JPH3: variants seen among roughly 807,000 people sequenced by gnomAD.
JPH3 encodes the protein junctophilin 3.
JPH3 carries 11 observed loss-of-function variants against 59.6 expected under a neutral mutation model. The observed-to-expected ratio is 0.18, with a 90% CI of 0.12 to 0.31. The LOEUF (loss-of-function observed/expected upper bound fraction) is 0.31, where lower values mean the gene tolerates loss of function less well. Among genes scored for constraint, JPH3 ranks in the 10% least tolerant of loss-of-function variants. The probability of loss-of-function intolerance (pLI) is 1.00; values close to 1 mark genes in which losing one functional copy is unlikely to be tolerated. For synonymous variants in JPH3, 673 were observed against 483.6 expected, an observed-to-expected ratio of 1.39 and a Z score of -5.14; for missense variants, 1,202 against 1,105.7, an observed-to-expected ratio of 1.09 and a Z score of -1.24.
intron 1 of JPH3, among the ~76,000 whole-genome samples, chr16:87,620,618 G>C (rs1272722632): frequency 6.6e-6 from 1 of 152,150 alleles, no homozygotes; most frequent in Non-Finnish European, 1.5e-5. Context: ...CTCCCTTCCA[G>C]GTTTTGATGG....
intron 1 of JPH3, among the ~76,000 whole-genome samples, chr16:87,634,505 G>A (rs2031669562): frequency 6.6e-6 from 1 of 152,222 alleles, no homozygotes; most frequent in Non-Finnish European, 1.5e-5. Context: ...TTCTCTGCGG[G>A]TTGGCTTCTC....
Position 87,677,456 on chromosome 16 carries a change from A to G in JPH3, c.1161-6686A>G, listed in dbSNP as rs115122869. Among the ~76,000 whole-genome samples the G allele has an allele frequency of 5.0e-3, 761 of 152,332 alleles. 7 individuals are homozygous for G. The highest frequency in any genetic ancestry group is 0.017 in the African/African-American group (710 of 41,576). On this transcript the variant is annotated intron_variant, in intron 2 of 4. Transcript: ENST00000284262. ...CTCGCCCACCAGGTACCCATCAGGT[A>G]TCTTATCCAGCATAAGAACAGCTGG... is the stretch of plus-strand genomic sequence containing the variant.
chr16:87,628,213 G>C (rs567812966), intron 1 of JPH3, among the ~76,000 whole-genome samples: 1 of 152,398 alleles, frequency 6.6e-6, no homozygotes, highest in Admixed American at 6.5e-5. Flanking sequence ...CTGTGCGTCT[G>C]ATCTGCTCAC....
At chr16:87,681,735 T>A (rs2033301192) in intron 2 of JPH3, among the ~76,000 whole-genome samples, 1 of 152,208 alleles carries the variant, frequency 6.6e-6, no homozygotes, top group African/African-American at 2.4e-5. Context: ...GTGGTCATAG[T>A]TCCAGAAGGT....
chr16:87,695,585 G>C (rs549506975), intron 4 of JPH3: 11 of 455,798 alleles, frequency 2.4e-5, no homozygotes, highest in Non-Finnish European at 4.4e-5. Flanking sequence ...CTGTGGGCAA[G>C]ACTGGAGTGG....
chr16:87,629,800 C>T (rs892456597), intron 1 of JPH3, among the ~76,000 whole-genome samples: 30 of 152,162 alleles, frequency 2.0e-4, no homozygotes, highest in Admixed American at 1.0e-3. Flanking sequence ...CCATGGAAGG[C>T]GTGGACCCTG....
intron 4 of JPH3, among the ~76,000 whole-genome samples, chr16:87,691,500 G>A (rs1056900806): frequency 2.0e-5 from 3 of 152,252 alleles, no homozygotes; most frequent in East Asian, 1.9e-4. Context: ...CGTGTGGGCC[G>A]GGCAGGGGGG....
rs555975778 is a variant in JPH3 at position 87,689,842 on chromosome 16, C to G, written c.1482C>G (p.Ala494=). The G allele has an allele frequency of 2.7e-5, 41 of 1,537,352 alleles. No individual in the cohort carries two copies. The African/African-American group carries it at 4.4e-4, about 16-fold the overall frequency. The stretch of plus-strand genomic sequence containing the variant: ...CCACCCCGCCGCCCGCGCCCGCCGC[C>G]AGGAACAAGGTCGCCCACTTCTCGA... The part of the protein sequence containing the change: ...PAATPPPAPA[A]RNKVAHFSRQ... Residue 494 remains alanine, a synonymous_variant, in exon 4 of 5, where the codon GCC becomes GCG. Coordinates refer to ENST00000284262, the MANE Select transcript of JPH3 (RefSeq NM_020655.4).
chr16:87,658,909 C>T (rs994758089), intron 2 of JPH3, among the ~76,000 whole-genome samples: 3 of 152,204 alleles, frequency 2.0e-5, no homozygotes, highest in African/African-American at 7.2e-5. Flanking sequence ...ATTTGCCCAG[C>T]AGGGCAGCTT....
chr16:87,605,280 A>G (rs909939182), intron 1 of JPH3, among the ~76,000 whole-genome samples: 1 of 152,022 alleles, frequency 6.6e-6, no homozygotes, highest in Admixed American at 6.5e-5. Context: ...TGAGCACCCC[A>G]CTCTGCCCAC....
intron 1 of JPH3, among the ~76,000 whole-genome samples, chr16:87,631,390 C>T (rs1335754680): frequency 3.3e-5 from 5 of 152,164 alleles, no homozygotes; most frequent in African/African-American, 9.7e-5. Flanking sequence ...CATTTCTGCT[C>T]ATAATTTGGG....
At chr16:87,607,102 C>A (rs2150820212) in intron 1 of JPH3, among the ~76,000 whole-genome samples, 1 of 152,328 alleles carries the variant, frequency 6.6e-6, no homozygotes, top group East Asian at 1.9e-4. Context: ...GTTTATATCT[C>A]TCGTTCTCTT....
intron 2 of JPH3, among the ~76,000 whole-genome samples, chr16:87,652,421 A>G (rs952981670): frequency 2.6e-5 from 4 of 152,386 alleles, no homozygotes; most frequent in East Asian, 3.9e-4. Context: ...TTTTTAAGAT[A>G]TAATGCTATA....
At position 87,611,237 on chromosome 16, in the gene JPH3, A is replaced by T. The variant is rs545276272; in HGVS notation, c.382+7709A>T. On this transcript the variant is annotated intron_variant, in intron 1 of 4. Coordinates refer to ENST00000284262, the MANE Select transcript of JPH3 (RefSeq NM_020655.4). This position sits in a 1 kb window ranked among gnomAD's most constrained non-coding sequence, Gnocchi z 4.5. ...TATATGGAATAATTCAGGGTTTCTCATGCCACAGTGGGGGTCCTGAATGGG... is the reference window on the plus strand; with the variant it reads ...TATATGGAATAATTCAGGGTTTCTCTTGCCACAGTGGGGGTCCTGAATGGG... 4.6e-5 allele frequency among the ~76,000 whole-genome samples: 7 copies of T among 152,334 alleles called. No homozygotes were observed. The East Asian group carries it at 1.4e-3, about 29-fold the overall frequency.
intron 1 of JPH3, among the ~76,000 whole-genome samples, chr16:87,639,630 T>G (rs77497965): frequency 0.11 from 16,087 of 146,784 alleles, 992 homozygotes; most frequent in Middle Eastern, 0.18. Context: ...CTGGCCTCCC[T>G]CCTGGCCTCC....
At chr16:87,667,690 G>T (rs2032906882) in intron 2 of JPH3, among the ~76,000 whole-genome samples, 1 of 152,160 alleles carries the variant, frequency 6.6e-6, no homozygotes. Flanking sequence ...TTAGATCCTG[G>T]CCTCCCGGAG....
intron 2 of JPH3, among the ~76,000 whole-genome samples, chr16:87,683,255 G>T (rs1237870730): frequency 1.3e-5 from 2 of 152,212 alleles, no homozygotes; most frequent in African/African-American, 4.8e-5. Context: ...TCTGGGCTTG[G>T]ACTCTTTCTG....
intron 1 of JPH3, among the ~76,000 whole-genome samples, chr16:87,612,854 T>C (rs945836873): frequency 5.9e-5 from 9 of 151,534 alleles, no homozygotes; most frequent in African/African-American, 2.2e-4. Context: ...CCGTCTCTAC[T>C]AAAAATACAA....
chr16:87,691,972 C>G (rs562748287), intron 4 of JPH3, among the ~76,000 whole-genome samples: 3 of 152,260 alleles, frequency 2.0e-5, no homozygotes, highest in South Asian at 2.1e-4. Context: ...ATGAACCTCC[C>G]TGGGGGTCAA....
Sources: allele counts gnomAD v4.1 joint callset (sites outside exome capture counted in the v4.1 genomes callset), GRCh38; gene constraint gnomAD v4.1.1; non-coding constraint Gnocchi (gnomAD v3.1); transcripts MANE v1.5; gene names NCBI Gene and HGNC (gene_info 2026-07-23, HGNC 2026-07-21).